CASR: variants seen among roughly 807,000 people sequenced by gnomAD.
CASR encodes the protein calcium sensing receptor.
CASR carries 23 observed loss-of-function variants against 69.1 expected under a neutral mutation model. That is an observed-to-expected ratio of 0.33 (90% CI 0.24 to 0.47). The LOEUF (loss-of-function observed/expected upper bound fraction) is 0.47. Ranked by LOEUF, CASR falls within the 20% of genes least tolerant of loss-of-function variation. The pLI, the probability that CASR is intolerant of heterozygous loss-of-function variation, is 1.00. For synonymous variants in CASR, 541 were observed against 544.7 expected (o/e 0.99, Z 0.10); for missense variants, 924 against 1,356.1 (o/e 0.68, Z 5.00).
intron 4 of CASR, among the ~76,000 whole-genome samples, chr3:122,271,788 A>T (rs551471768): frequency 1.3e-5 from 2 of 152,250 alleles, no homozygotes; most frequent in Admixed American, 6.5e-5. Flanking sequence ...TTAGACAAAC[A>T]CTGATCTACT....
chr3:122,256,289 G>A (rs1265094903), intron 2 of CASR, among the ~76,000 whole-genome samples: 2 of 152,100 alleles, frequency 1.3e-5, no homozygotes, highest in African/African-American at 4.8e-5. Flanking sequence ...ATATGACTCT[G>A]CAAATCTGAT....
intron 1 of CASR, among the ~76,000 whole-genome samples, chr3:122,252,358 A>AAG (rs2074494478): frequency 7.5e-5 from 4 of 53,310 alleles, no homozygotes; most frequent in African/African-American, 3.3e-4. Context: ...AAAGAAAGAA[A>AAG]GAAAGAAGGA....
At chr3:122,194,327 T>G (rs942532487) in intron 1 of CASR, among the ~76,000 whole-genome samples, 1 of 152,200 alleles carries the variant, frequency 6.6e-6, no homozygotes, top group Non-Finnish European at 1.5e-5. Flanking sequence ...TCTTCCTAAC[T>G]GGATTTAGAG....
At chr3:122,202,399 GA>G (rs2073965795) in intron 1 of CASR, among the ~76,000 whole-genome samples, 1 of 151,740 alleles carries the variant, frequency 6.6e-6, no homozygotes, top group Admixed American at 6.5e-5. Context: ...GCATCAGAGG[GA>G]GACCGTGGAA....
At chr3:122,274,545 AT>A (rs2074793516) in intron 4 of CASR, among the ~76,000 whole-genome samples, 1 of 152,204 alleles carries the variant, frequency 6.6e-6, no homozygotes, top group African/African-American at 2.4e-5. Flanking sequence ...CATTCATTAG[AT>A]GGACTCAGCC....
Position 122,285,251 on chromosome 3 carries a change from A to G in CASR, c.*60A>G, listed in dbSNP as rs4677948. On this transcript the variant is annotated 3_prime_UTR_variant, in exon 7 of 7. Transcript: ENST00000639785. ...GAGAGGTTTCTTGGGGTCCCAGGGAAGAGGAATCGCCCCAGACTCCTTTCC... is the reference window on the plus strand; with the variant it reads ...GAGAGGTTTCTTGGGGTCCCAGGGAGGAGGAATCGCCCCAGACTCCTTTCC... 3 of 1,526,128 alleles carry G rather than the reference A, an allele frequency of 2.0e-6. No individual in the cohort carries two copies. Among genetic ancestry groups the G allele is most frequent in the African/African-American group, 1.4e-5 (1 of 73,120 alleles). 94.5% of individuals were successfully genotyped at this position (1,526,128 alleles called of 1,614,324 possible). A position where few individuals can be genotyped will look rare whatever the true frequency, so the allele number is the denominator to read the frequency against.
intron 1 of CASR, among the ~76,000 whole-genome samples, chr3:122,237,179 G>A (rs2074336774): frequency 6.8e-6 from 1 of 147,080 alleles, no homozygotes; most frequent in African/African-American, 2.5e-5. Flanking sequence ...GTGTGATCTT[G>A]GCTCACTGCA....
chr3:122,226,996 G>A (rs962954952), intron 1 of CASR, among the ~76,000 whole-genome samples: 9 of 152,108 alleles, frequency 5.9e-5, no homozygotes, highest in African/African-American at 2.2e-4. Context: ...GTGCCAATTG[G>A]TGTATTCACA....
chr3:122,212,348 A>G (rs979565710), intron 1 of CASR, among the ~76,000 whole-genome samples: 1 of 152,178 alleles, frequency 6.6e-6, no homozygotes, highest in Non-Finnish European at 1.5e-5. Flanking sequence ...TATAAGTGGG[A>G]GCTGAACGAT....
intron 1 of CASR, among the ~76,000 whole-genome samples, chr3:122,189,546 A>G (rs2073820413): frequency 6.6e-6 from 1 of 152,188 alleles, no homozygotes. Context: ...CCCTCAGTGA[A>G]TGCTTATCAG....
chr3:122,213,978 C>A (rs2074092409), intron 1 of CASR, among the ~76,000 whole-genome samples: 1 of 152,148 alleles, frequency 6.6e-6, no homozygotes, highest in African/African-American at 2.4e-5. Flanking sequence ...TCTTGTCTGC[C>A]CATGTTTAGC....
At chr3:122,269,072 C>A (rs1348632230) in intron 4 of CASR, among the ~76,000 whole-genome samples, 1 of 152,140 alleles carries the variant, frequency 6.6e-6, no homozygotes, top group Non-Finnish European at 1.5e-5. Context: ...TTATCAGGAA[C>A]AATTTATTAG....
chr3:122,231,758 C>A (rs993506940), intron 1 of CASR, among the ~76,000 whole-genome samples: 7 of 147,196 alleles, frequency 4.8e-5, no homozygotes, highest in Non-Finnish European at 6.0e-5. Flanking sequence ...CTCCCACTCA[C>A]AAAAAAAAAA....
chr3:122,227,707 G>T lies in CASR; in HGVS notation c.-242-26241G>T, dbSNP rs867988650. Among the ~76,000 whole-genome samples, 6 of 152,238 alleles carry T rather than the reference G, an allele frequency of 3.9e-5. No homozygotes were observed. In the Middle Eastern group the frequency reaches 0.01, roughly 259 times the overall value. ...GAGGAGGCACCGAGAGTGAGTGAGG[G>T]CTGCGAGGGCTGCCAGCACGCTGTC... On this transcript the variant is annotated intron_variant, in intron 1 of 6. Transcript: ENST00000639785.
At chr3:122,256,908 A>AC (rs1423623965) in intron 2 of CASR, among the ~76,000 whole-genome samples, 173 bp from the exon 3 acceptor site, 2 of 152,230 alleles carry the variant, frequency 1.3e-5, no homozygotes, top group African/African-American at 4.8e-5. Context: ...GGCGTGAGCC[A>AC]CCACGCCCGG....
chr3:122,208,082 A>G (rs1179489572), intron 1 of CASR, among the ~76,000 whole-genome samples: 1 of 152,168 alleles, frequency 6.6e-6, no homozygotes, highest in Non-Finnish European at 1.5e-5. Context: ...AAAGTGGAAA[A>G]ACTTGAATAG....
At chr3:122,224,347 T>C (rs1451288985) in intron 1 of CASR, among the ~76,000 whole-genome samples, 1 of 152,206 alleles carries the variant, frequency 6.6e-6, no homozygotes, top group Non-Finnish European at 1.5e-5. Context: ...AGTAAAGTTT[T>C]AGGATACAAA....
At chr3:122,241,221 T>TA (rs1402069103) in intron 1 of CASR, among the ~76,000 whole-genome samples, 1 of 150,908 alleles carries the variant, frequency 6.6e-6, no homozygotes, top group Non-Finnish European at 1.5e-5. Flanking sequence ...AATAAAACAA[T>TA]AAAAAAGATC....
At chr3:122,274,055 A>G (rs144595557) in intron 4 of CASR, among the ~76,000 whole-genome samples, 169 of 152,338 alleles carry the variant, frequency 1.1e-3, no homozygotes, top group African/African-American at 3.8e-3. Context: ...GAAGGTGGGA[A>G]GGCTCAGGAG....
Sources: gnomAD v4.1 joint callset for allele counts (sites outside exome capture counted in the v4.1 genomes callset) on GRCh38, gnomAD v4.1.1 for gene constraint, MANE v1.5 for transcripts, NCBI Gene and HGNC (gene_info 2026-07-23, HGNC 2026-07-21) for gene names.